Variants in ATAD2B observed in about 807,000 individuals in gnomAD.
ATAD2B encodes ATPase family AAA domain-containing protein 2B.
Under a neutral mutation model 167.6 loss-of-function variants are expected in ATAD2B, and 40 were observed. The observed-to-expected ratio is 0.24, with a 90% CI of 0.19 to 0.31. The LOEUF is 0.31. Ranked by LOEUF, ATAD2B falls within the 10% of genes least tolerant of loss-of-function variation. The pLI is 1.00. For synonymous variants in ATAD2B, 579 were observed against 596.5 expected, an observed-to-expected ratio of 0.97 and a Z score of 0.43; for missense variants, 1,242 against 1,757.2, an observed-to-expected ratio of 0.71 and a Z score of 5.24.
chr2:23,828,121 A>C (rs78312718), intron 15 of ATAD2B, among the ~76,000 whole-genome samples: 2,209 of 151,952 alleles, frequency 0.015, 32 homozygotes, highest in Middle Eastern at 0.044. Flanking sequence ...GAAAACAGAC[A>C]AAAGAGGGGG....
chr2:23,685,705 C>T, the ATAD2B span, among the ~76,000 whole-genome samples: 4 of 152,228 alleles, frequency 2.6e-5, no homozygotes, highest in Admixed American at 6.5e-5. Flanking sequence ...CTCCTGCCCC[C>T]GGTGCTTGGG....
At chr2:23,899,572 T>C (rs897345720) in intron 1 of ATAD2B, among the ~76,000 whole-genome samples, 2 of 152,116 alleles carry the variant, frequency 1.3e-5, no homozygotes, top group African/African-American at 4.8e-5. Flanking sequence ...TGAGTGTTTT[T>C]AAATTTAGTC....
chr2:23,807,154 C>G (rs1012737900), intron 18 of ATAD2B, among the ~76,000 whole-genome samples: 1 of 152,136 alleles, frequency 6.6e-6, no homozygotes, highest in Non-Finnish European at 1.5e-5. Context: ...GAGCAATGAT[C>G]AGATCATGGG....
chr2:23,865,171 A>T (rs1694951756), intron 10 of ATAD2B, among the ~76,000 whole-genome samples: 1 of 152,064 alleles, frequency 6.6e-6, no homozygotes, highest in Non-Finnish European at 1.5e-5. Flanking sequence ...CCAACCTAAA[A>T]CTTTAATAGG....
chr2:23,684,906 C>G, the ATAD2B span, among the ~76,000 whole-genome samples: 3 of 152,344 alleles, frequency 2.0e-5, no homozygotes, highest in African/African-American at 7.2e-5. The surrounding 1 kb of genome is among the most constrained non-coding windows in gnomAD (Gnocchi z 4.4). Flanking sequence ...TCACTACACA[C>G]TGCCCCCACC....
At chr2:23,736,744 C>T in the ATAD2B span, among the ~76,000 whole-genome samples, 1 of 152,192 alleles carries the variant, frequency 6.6e-6, no homozygotes, top group Non-Finnish European at 1.5e-5. Context: ...CAGGGTGAGA[C>T]ACCACCTCAC....
chr2:23,926,967 G>C lies in ATAD2B; in HGVS notation c.-197C>G, dbSNP rs570653044. On this transcript the variant is annotated 5_prime_UTR_variant, in exon 1 of 28. Transcript: ENST00000238789. ...GTCGGCGTGAGCAGGCGGCGTGCGG[G>C]AAGCGGGGGCGGTGCTGCAGACCGG... 17 of 617,930 alleles carry C rather than the reference G, an allele frequency of 2.8e-5. No homozygotes were observed. In the South Asian group the frequency reaches 4.2e-4, roughly 15 times the overall value. 38.3% of individuals were successfully genotyped at this position (617,930 alleles called of 1,614,324 possible).
the ATAD2B span, among the ~76,000 whole-genome samples, chr2:23,721,451 G>A: frequency 3.3e-5 from 5 of 152,032 alleles, no homozygotes; most frequent in Non-Finnish European, 5.9e-5. Context: ...ACCAATGTCC[G>A]TGGCCTAAGA....
At chr2:23,752,232 G>A (rs1675429967) in intron 27 of ATAD2B, 145 bp from the exon 28 acceptor site, 8 of 647,804 alleles carry the variant, frequency 1.2e-5, no homozygotes, top group South Asian at 1.1e-4. Flanking sequence ...TAATACCATA[G>A]GTAATTAAGA....
At chr2:23,844,447 T>C (rs1055457254) in intron 13 of ATAD2B, among the ~76,000 whole-genome samples, 3 of 152,134 alleles carry the variant, frequency 2.0e-5, no homozygotes, top group Non-Finnish European at 4.4e-5. Flanking sequence ...ACACAATCCG[T>C]AATGAGAAAA....
At chr2:23,888,277 T>G in intron 3 of ATAD2B, 73 bp downstream of exon 3, 4 of 1,055,052 alleles carry the variant, frequency 3.8e-6, no homozygotes, top group Middle Eastern at 2.0e-4. Context: ...TCACTCTATT[T>G]TTCCCCACTT....
intron 25 of ATAD2B, among the ~76,000 whole-genome samples, chr2:23,757,063 A>G (rs994068866): frequency 3.3e-5 from 5 of 152,174 alleles, no homozygotes; most frequent in Non-Finnish European, 5.9e-5. Flanking sequence ...CATGCCAATA[A>G]TTCTTCTTGG....
chr2:23,679,539 C>G, the ATAD2B span, among the ~76,000 whole-genome samples: 15 of 152,052 alleles, frequency 9.9e-5, no homozygotes, highest in Non-Finnish European at 1.8e-4. Flanking sequence ...AGCCAAGATT[C>G]AAAGGGTAGG....
intron 18 of ATAD2B, among the ~76,000 whole-genome samples, chr2:23,801,212 TTATAG>T (rs767284324): frequency 6.6e-6 from 1 of 151,912 alleles, no homozygotes; most frequent in Non-Finnish European, 1.5e-5. Context: ...TTAAAAATTC[TTATAG>T]TATAAGCAAC....
intron 12 of ATAD2B, 123 bp downstream of exon 12, chr2:23,863,258 G>A (rs921621369): frequency 5.4e-5 from 49 of 902,576 alleles, no homozygotes; most frequent in Non-Finnish European, 7.5e-5. Flanking sequence ...GTAGTGAGAC[G>A]AGATCACGCT....
chr2:23,830,247 G>C (rs1221335231), intron 14 of ATAD2B, among the ~76,000 whole-genome samples: 1 of 152,228 alleles, frequency 6.6e-6, no homozygotes, highest in Non-Finnish European at 1.5e-5. Flanking sequence ...GCCTCCCAAA[G>C]TGCTGGGATT....
At chr2:23,872,656 G>T in intron 8 of ATAD2B, 1 of 1,347,116 alleles carries the variant, frequency 7.4e-7, no homozygotes, top group South Asian at 1.2e-5. Flanking sequence ...GAACATCATA[G>T]GAGAGCCTCC....
the ATAD2B span, among the ~76,000 whole-genome samples, chr2:23,713,119 A>G: frequency 6.6e-6 from 1 of 152,272 alleles, no homozygotes; most frequent in Non-Finnish European, 1.5e-5. Flanking sequence ...TTTTGCCATT[A>G]GAAGTTTTAG....
At chr2:23,861,223 T>C (rs992918715) in intron 12 of ATAD2B, among the ~76,000 whole-genome samples, 3 of 150,866 alleles carry the variant, frequency 2.0e-5, no homozygotes, top group Non-Finnish European at 4.4e-5. Context: ...TGCCAGTCAC[T>C]GTGATAAATA....
Sources: allele counts gnomAD v4.1 joint callset (sites outside exome capture counted in the v4.1 genomes callset), GRCh38; gene constraint gnomAD v4.1.1; non-coding constraint Gnocchi (gnomAD v3.1); transcripts MANE v1.5; gene names NCBI Gene and HGNC (gene_info 2026-07-23, HGNC 2026-07-21).